Variants in SPAG9 observed in about 807,000 individuals in gnomAD.
The protein encoded by SPAG9 is C-Jun-amino-terminal kinase-interacting protein 4.
Under a neutral mutation model 166.5 loss-of-function variants are expected in SPAG9, and 35 were observed. That is an observed-to-expected ratio of 0.21 (90% CI 0.16 to 0.28). The LOEUF (loss-of-function observed/expected upper bound fraction) is 0.28. Ranked by LOEUF, SPAG9 falls within the 10% of genes least tolerant of loss-of-function variation. The probability of loss-of-function intolerance (pLI) is 1.00; values close to 1 mark genes in which losing one functional copy is unlikely to be tolerated. For synonymous variants in SPAG9, 534 were observed against 565.5 expected, an observed-to-expected ratio of 0.94 and a Z score of 0.79; for missense variants, 1,235 against 1,603.3, an observed-to-expected ratio of 0.77 and a Z score of 3.92.
chr17:51,019,049 A>G (rs1471511900), intron 8 of SPAG9, among the ~76,000 whole-genome samples: 1 of 152,112 alleles, frequency 6.6e-6, no homozygotes, highest in African/African-American at 2.4e-5. Context: ...TATAAACAGG[A>G]TTGGGGTCCT....
At chr17:51,014,427 A>C in intron 8 of SPAG9, 74 bp from the exon 9 acceptor site, 1 of 1,333,202 alleles carries the variant, frequency 7.5e-7, no homozygotes. Flanking sequence ...TGAATACAAT[A>C]GGCTAAGCTA....
rs2049460667 is a variant in SPAG9, at chr17:51,120,857, G to A, written c.-201C>T. ...AGGCGCTCTCACCCCAACCGCCGCT[G>A]CACCAACTGCCGGGGCGGCCCGGCC... On this transcript the variant is annotated 5_prime_UTR_variant, in exon 1 of 30. Coordinates refer to ENST00000262013, the MANE Select transcript of SPAG9 (RefSeq NM_001130528.3). This position sits in a 1 kb window ranked among gnomAD's most constrained non-coding sequence, Gnocchi z 4.7. 2 of 314,078 alleles carry A rather than the reference G, an allele frequency of 6.4e-6. No individual in the cohort carries two copies. Among genetic ancestry groups the A allele is most frequent in the Middle Eastern group, 8.8e-4 (1 of 1,134 alleles). The allele number at this position is 314,078 out of a possible 1,614,324, so 19.5% of individuals were successfully genotyped here.
Position 51,095,980 on chromosome 17 carries a change from T to TATATATAGTG in SPAG9, c.304-16277_304-16276insCACTATATAT, listed in dbSNP as rs1568083895. Among the ~76,000 whole-genome samples, 14 of 126,590 alleles carry TATATATAGTG rather than the reference T, an allele frequency of 1.1e-4. No individual in the cohort carries two copies. In the East Asian group the frequency reaches 1.3e-3, roughly 11 times the overall value. The allele number at this position is 126,590 out of a possible 152,430, so 83.0% of individuals were successfully genotyped here. A position where few individuals can be genotyped will look rare whatever the true frequency, so the allele number is the denominator to read the frequency against. Reference sequence around the variant, plus strand: ...AGTGATATATATATATAGTGATATATATATATATAGTGATATATATATAGT... The same window carrying TATATATAGTG: ...AGTGATATATATATATAGTGATATATATATATAGTGATATATATAGTGATATATATATAGT... On this transcript the variant is annotated intron_variant, in intron 1 of 29. Transcript: ENST00000262013.
intron 2 of SPAG9, among the ~76,000 whole-genome samples, chr17:51,062,885 C>A (rs946417949): frequency 6.6e-6 from 1 of 152,100 alleles, no homozygotes; most frequent in Non-Finnish European, 1.5e-5. Flanking sequence ...CCACCACACA[C>A]AACCTACTCC....
At chr17:51,062,781 G>A (rs1187075070) in intron 2 of SPAG9, among the ~76,000 whole-genome samples, 1 of 152,042 alleles carries the variant, frequency 6.6e-6, no homozygotes, top group Non-Finnish European at 1.5e-5. Context: ...GTAGACACAG[G>A]GTTTCGCCAT....
At chr17:50,971,473 T>C (rs1973804608) in intron 28 of SPAG9, among the ~76,000 whole-genome samples, 1 of 137,382 alleles carries the variant, frequency 7.3e-6, no homozygotes, top group South Asian at 2.5e-4. Flanking sequence ...TTTTTTTTTT[T>C]TTTTTTTTTT....
chr17:51,102,887 G>A (rs2048846129), intron 1 of SPAG9, among the ~76,000 whole-genome samples: 1 of 152,120 alleles, frequency 6.6e-6, no homozygotes, highest in Non-Finnish European at 1.5e-5. Flanking sequence ...TCAATCTCTT[G>A]AGTAGCTGGG....
Position 50,986,384 on chromosome 17 carries a change from G to A in SPAG9, c.2940-606C>T, listed in dbSNP as rs954532568. Among the ~76,000 whole-genome samples the A allele has an allele frequency of 1.4e-4, 21 of 152,242 alleles. No homozygotes were observed. The South Asian group carries it at 3.1e-3, about 23-fold the overall frequency. On this transcript the variant is annotated intron_variant, in intron 22 of 29. Coordinates refer to ENST00000262013, the MANE Select transcript of SPAG9 (RefSeq NM_001130528.3). The stretch of plus-strand genomic sequence containing the variant: ...ACTCATATGAAAAAGACATACTACA[G>A]GTTGAGTAACCCTTATTTGAAATGC...
intron 9 of SPAG9, among the ~76,000 whole-genome samples, chr17:51,009,872 G>A (rs987102583): frequency 6.6e-6 from 1 of 151,960 alleles, no homozygotes; most frequent in Non-Finnish European, 1.5e-5. Context: ...TCCCAATGAA[G>A]AGTTATCTTA....
rs1324466491 is a variant in SPAG9 at position 50,964,447 on chromosome 17, G to A, written c.*1825C>T. 1.3e-5 allele frequency: 2 copies of A among 155,076 alleles called. No homozygotes were observed. The highest frequency in any genetic ancestry group is 4.8e-5 in the African/African-American group (2 of 41,412). The allele number at this position is 155,076 out of a possible 1,614,324, so 9.6% of individuals were successfully genotyped here. On this transcript the variant is annotated 3_prime_UTR_variant, in exon 30 of 30. Coordinates refer to ENST00000262013, the MANE Select transcript of SPAG9 (RefSeq NM_001130528.3). ...TACTAAAAATACAAAAATTAGCTGG[G>A]CAGGGTGGCACACACCTGTAATCCC...
chr17:51,107,080 C>T (rs2048972969), intron 1 of SPAG9, among the ~76,000 whole-genome samples: 1 of 140,334 alleles, frequency 7.1e-6, no homozygotes, highest in Admixed American at 7.6e-5. Context: ...CTAGCCTGGG[C>T]AAGAGCGAGT....
At chr17:51,011,605 A>T (rs1238149402) in intron 9 of SPAG9, among the ~76,000 whole-genome samples, 1 of 151,952 alleles carries the variant, frequency 6.6e-6, no homozygotes, top group African/African-American at 2.4e-5. Flanking sequence ...CTGGTCTCGA[A>T]CTCCTGACCT....
chr17:51,046,553 A>G (rs1224799714), intron 4 of SPAG9: 2 of 1,536,094 alleles, frequency 1.3e-6, no homozygotes, highest in Non-Finnish European at 1.7e-6. Flanking sequence ...TAGAAATAGA[A>G]AAGTGCACAA....
At chr17:51,053,249 A>T (rs929989497) in intron 3 of SPAG9, among the ~76,000 whole-genome samples, 20 of 151,338 alleles carry the variant, frequency 1.3e-4, no homozygotes, top group African/African-American at 4.8e-4. Context: ...ATTATAATGG[A>T]TACAGTGGCT....
At position 51,031,686 on chromosome 17, in the gene SPAG9, G is replaced by A. The variant is rs1418491522; in HGVS notation, c.778C>T (p.Gln260Ter). 3 of 1,550,846 alleles carry A rather than the reference G, an allele frequency of 1.9e-6. No individual in the cohort carries two copies. Among genetic ancestry groups the A allele is most frequent in the Non-Finnish European group, 2.6e-6 (3 of 1,146,342 alleles). ...TTAAGAAGCACCATTCTCACCTCCT[G>A]TTCTACAGCCTTCTGAGGTTCAGGA... ...NSPEPQKAVE[Q>*]EDELSDVSQG... Residue 260 changes from glutamine (Q) to a stop codon, truncating the protein, a stop_gained, in exon 6 of 30, where the codon CAG (glutamine) becomes TAG (stop). Coordinates refer to ENST00000262013, the MANE Select transcript of SPAG9 (RefSeq NM_001130528.3). LOFTEE classifies it high-confidence loss of function.
intron 1 of SPAG9, among the ~76,000 whole-genome samples, chr17:51,115,327 T>A (rs1232608810): frequency 6.6e-6 from 1 of 151,974 alleles, no homozygotes; most frequent in Non-Finnish European, 1.5e-5. Context: ...TAGCTAGGAC[T>A]ACAGGCTCAC....
intron 11 of SPAG9, among the ~76,000 whole-genome samples, 167 bp downstream of exon 11, chr17:51,005,918 C>T (rs1035296821): frequency 6.6e-6 from 1 of 152,242 alleles, no homozygotes; most frequent in African/African-American, 2.4e-5. Context: ...CTGGAGGGGC[C>T]TGCTCACAGC....
intron 2 of SPAG9, among the ~76,000 whole-genome samples, chr17:51,066,900 A>G (rs987845836): frequency 6.6e-5 from 10 of 152,134 alleles, no homozygotes; most frequent in Non-Finnish European, 1.2e-4. Context: ...CAAAAAAAAA[A>G]AGGATAGTTT....
intron 7 of SPAG9, 81 bp from the exon 8 acceptor site, chr17:51,020,339 G>T: frequency 1.1e-6 from 1 of 871,358 alleles, no homozygotes; most frequent in Non-Finnish European, 1.8e-6. Context: ...TTTTATGGGT[G>T]TAAAGGTATC....
Sources: gnomAD v4.1 joint callset for allele counts (sites outside exome capture counted in the v4.1 genomes callset) on GRCh38, gnomAD v4.1.1 for gene constraint, Gnocchi (gnomAD v3.1) non-coding constraint, MANE v1.5 for transcripts, NCBI Gene and HGNC (gene_info 2026-07-23, HGNC 2026-07-21) for gene names.